LRP1B: variants seen among roughly 807,000 people sequenced by gnomAD.
LRP1B encodes the protein low-density lipoprotein receptor-related protein 1B.
In LRP1B, 217 loss-of-function variants were observed where a neutral mutation model predicts 556.6. That is an observed-to-expected ratio of 0.39 (90% confidence interval 0.35 to 0.44). The LOEUF (loss-of-function observed/expected upper bound fraction) is 0.44, where lower values mean the gene tolerates loss of function less well. LRP1B is among the 20% of genes least tolerant of loss of function. The pLI is 1.00. For missense variants in LRP1B, 5,053 were observed against 5,620.8 expected (o/e 0.90, Z 3.23); for synonymous variants, 2,047 against 1,865.8 (o/e 1.10, Z -2.50).
chr2:141,088,820 A>G (rs1197757588), intron 7 of LRP1B, among the ~76,000 whole-genome samples: 2 of 152,192 alleles, frequency 1.3e-5, no homozygotes, highest in African/African-American at 4.8e-5. Context: ...ATCGATGTCA[A>G]AATGGCTCAG....
At chr2:141,609,058 TATC>T (rs1688017459) in intron 2 of LRP1B, among the ~76,000 whole-genome samples, 1 of 152,208 alleles carries the variant, frequency 6.6e-6, no homozygotes, top group Admixed American at 6.5e-5. Context: ...AGAGAAATGA[TATC>T]ATTTTAAATT....
chr2:141,692,025 T>A (rs1691552686), intron 2 of LRP1B, among the ~76,000 whole-genome samples: 1 of 152,012 alleles, frequency 6.6e-6, no homozygotes, highest in African/African-American at 2.4e-5. Context: ...CCTCATCCCT[T>A]CCTTCAGAAA....
At chr2:140,879,383 C>A (rs549331872) in intron 25 of LRP1B, among the ~76,000 whole-genome samples, 27 of 152,022 alleles carry the variant, frequency 1.8e-4, no homozygotes, top group African/African-American at 6.5e-4. Context: ...TAAGTGATCC[C>A]TTCATTTCTT....
chr2:141,684,890 T>G (rs2118276), intron 2 of LRP1B, among the ~76,000 whole-genome samples: 90,491 of 151,778 alleles, frequency 0.6, 27,350 homozygotes, highest in East Asian at 0.76. Context: ...TATACAGGGA[T>G]GGAAAAGCCT....
chr2:141,601,041 A>T (rs1455912391), intron 2 of LRP1B, among the ~76,000 whole-genome samples: 1 of 152,172 alleles, frequency 6.6e-6, no homozygotes, highest in African/African-American at 2.4e-5. Flanking sequence ...TCCTTCCTTA[A>T]ATATGAGCTC....
intron 7 of LRP1B, among the ~76,000 whole-genome samples, chr2:141,144,345 T>C (rs1008404810): frequency 6.6e-6 from 1 of 152,202 alleles, no homozygotes; most frequent in African/African-American, 2.4e-5. Context: ...ACCAAGTTAG[T>C]GTTGAAATAT....
chr2:141,351,785 A>G (rs1288123137), intron 3 of LRP1B, among the ~76,000 whole-genome samples: 1 of 151,956 alleles, frequency 6.6e-6, no homozygotes, highest in Non-Finnish European at 1.5e-5. Context: ...AATGGTTAAA[A>G]AGAGGATAGG....
Position 140,475,343 on chromosome 2 carries a change from A to G in LRP1B, c.9426-6T>C. ...AGTCAATCCAATACAAATATCTAGG[A>G]AAGAAAATCAATACTGATTTTGTTT... is the stretch of plus-strand genomic sequence containing the variant. On this transcript the variant is annotated splice_region_variant and splice_polypyrimidine_tract_variant and intron_variant, in intron 59 of 90. Coordinates refer to ENST00000389484, the MANE Select transcript of LRP1B (RefSeq NM_018557.3). 6.4e-7 allele frequency: 1 copy of G among 1,564,660 alleles called. No individual in the cohort carries two copies. The highest frequency in any genetic ancestry group is 8.7e-7 in the Non-Finnish European group (1 of 1,150,692).
At chr2:141,944,151 G>A (rs1285609123) in intron 1 of LRP1B, among the ~76,000 whole-genome samples, 1 of 152,178 alleles carries the variant, frequency 6.6e-6, no homozygotes, top group Non-Finnish European at 1.5e-5. Context: ...GATCAAAGGA[G>A]GAGGAGGTGG....
intron 1 of LRP1B, among the ~76,000 whole-genome samples, chr2:142,056,366 C>A (rs13012748): frequency 2.6e-5 from 4 of 151,900 alleles, no homozygotes; most frequent in Non-Finnish European, 5.9e-5. Flanking sequence ...TCTAATGATG[C>A]CAGAGAAAAC....
chr2:141,103,216 T>G (rs1168815810), intron 7 of LRP1B, among the ~76,000 whole-genome samples: 3 of 151,890 alleles, frequency 2.0e-5, no homozygotes, highest in African/African-American at 7.3e-5. Flanking sequence ...GACTGGAAAA[T>G]TTCAAAACAA....
intron 7 of LRP1B, among the ~76,000 whole-genome samples, chr2:141,120,028 C>T (rs1701006335): frequency 6.6e-6 from 1 of 151,860 alleles, no homozygotes; most frequent in South Asian, 2.1e-4. Flanking sequence ...GTAGGAAATG[C>T]TCAATAATTT....
chr2:141,790,573 G>A (rs1361369925), intron 2 of LRP1B, among the ~76,000 whole-genome samples: 1 of 151,810 alleles, frequency 6.6e-6, no homozygotes, highest in Non-Finnish European at 1.5e-5. Context: ...CCATTAAAAA[G>A]TGAAAAATGT....
At chr2:141,099,113 T>C (rs2091808) in intron 7 of LRP1B, among the ~76,000 whole-genome samples, 44,560 of 152,036 alleles carry the variant, frequency 0.29, 7,025 homozygotes, top group East Asian at 0.65. Context: ...AATATTAATA[T>C]TCTAAAACCC....
intron 21 of LRP1B, among the ~76,000 whole-genome samples, chr2:140,909,594 T>A (rs978833864): frequency 6.6e-6 from 1 of 151,294 alleles, no homozygotes; most frequent in Admixed American, 6.6e-5. Context: ...ATTAACATCA[T>A]AAATAAAACC....
At chr2:141,922,267 C>A (rs1037313226) in intron 1 of LRP1B, among the ~76,000 whole-genome samples, 6 of 152,158 alleles carry the variant, frequency 3.9e-5, no homozygotes, top group African/African-American at 1.4e-4. Context: ...GAACACAGAA[C>A]TCGCCATGTA....
At chr2:142,038,209 G>A (rs1703951187) in intron 1 of LRP1B, among the ~76,000 whole-genome samples, 1 of 151,604 alleles carries the variant, frequency 6.6e-6, no homozygotes, top group Non-Finnish European at 1.5e-5. Context: ...AAGGACTGCA[G>A]ACTTCTAAGC....
rs1241289771 is a variant in LRP1B, at chr2:140,335,809, A to G, written c.11922T>C (p.Ile3974=). Reference sequence around the variant, plus strand: ...TGTTTCCAGCCACCCAGTCAACTGCAATGTCCCTGGGCCTTTTAAATTCAG... The same window carrying G: ...TGTTTCCAGCCACCCAGTCAACTGCGATGTCCCTGGGCCTTTTAAATTCAG... ...ICPEFKRPRD[I]AVDWVAGNIY... The change falls in exon 78 of 91, where the codon ATT becomes ATC. Residue 3974 remains isoleucine (I), a synonymous_variant. Transcript: ENST00000389484. 1 of 1,612,218 alleles carries G rather than the reference A, an allele frequency of 6.2e-7. No individual in the cohort carries two copies. The highest frequency in any genetic ancestry group is 2.2e-5 in the East Asian group (1 of 44,794).
chr2:141,852,325 AT>A (rs1157311926), intron 1 of LRP1B, among the ~76,000 whole-genome samples: 1 of 151,754 alleles, frequency 6.6e-6, no homozygotes, highest in African/African-American at 2.4e-5. Context: ...AATGAATATT[AT>A]TCAAATATAT....
Sources: gnomAD v4.1 joint callset for allele counts (sites outside exome capture counted in the v4.1 genomes callset) on GRCh38, gnomAD v4.1.1 for gene constraint, MANE v1.5 for transcripts, NCBI Gene and HGNC (gene_info 2026-07-23, HGNC 2026-07-21) for gene names.